C10orf90: variants seen among roughly 807,000 people sequenced by gnomAD.
C10orf90 encodes (E2-independent) E3 ubiquitin-conjugating enzyme FATS.
In C10orf90, 56 loss-of-function variants were observed where a neutral mutation model predicts 62.5. That is an observed-to-expected ratio of 0.90 (90% CI 0.72 to 1.12). The LOEUF (loss-of-function observed/expected upper bound fraction) is 1.12, where lower values mean the gene tolerates loss of function less well. C10orf90 is among the 50% of genes most tolerant of loss of function. C10orf90 has a pLI of 0.00. For missense variants in C10orf90, 970 were observed against 880.4 expected (o/e 1.10, Z -1.29); for synonymous variants, 386 against 340.4 (o/e 1.13, Z -1.47).
intron 3 of C10orf90, among the ~76,000 whole-genome samples, chr10:126,507,596 TCA>T (rs552055134): frequency 2.0e-5 from 3 of 151,298 alleles, no homozygotes; most frequent in Non-Finnish European, 4.4e-5. Context: ...CACTTCCCAA[TCA>T]CATCATGCGT....
chr10:126,630,844 G>A lies in C10orf90; in HGVS notation c.313+15721C>T, dbSNP rs1845837337. On this transcript the variant is annotated intron_variant, in intron 2 of 9. Coordinates refer to ENST00000488181, the MANE Select transcript of C10orf90 (RefSeq NM_001350921.2). The stretch of plus-strand genomic sequence containing the variant: ...CTTACCATCCACATCCAATGCTCCA[G>A]CCAAGCCTGGGGCTCTATTTGCAAC... Among the ~76,000 whole-genome samples the A allele has an allele frequency of 3.9e-5, 6 of 152,300 alleles. No homozygotes were observed. The South Asian group carries it at 1.2e-3, about 32-fold the overall frequency.
chr10:126,582,881 G>A (rs1015292669), intron 2 of C10orf90, among the ~76,000 whole-genome samples: 7 of 152,098 alleles, frequency 4.6e-5, no homozygotes, highest in Admixed American at 6.6e-5. Context: ...AGGAAGAAGC[G>A]GGTGGTGCCA....
chr10:126,639,367 G>T (rs558879015), intron 2 of C10orf90, among the ~76,000 whole-genome samples: 1 of 152,316 alleles, frequency 6.6e-6, no homozygotes, highest in South Asian at 2.1e-4. Flanking sequence ...CCCAGGAGGT[G>T]CTCCTTCTAA....
At position 126,646,132 on chromosome 10, in the gene C10orf90, C is replaced by T. The variant is rs149088451; in HGVS notation, c.313+433G>A. On this transcript the variant is annotated intron_variant, in intron 2 of 9. Transcript: ENST00000488181. ...TATGAACTGTAACCATCTCACCTAGCGTTTTTACAGTTTAGTGGCTAAGAA... is the reference window on the plus strand; with the variant it reads ...TATGAACTGTAACCATCTCACCTAGTGTTTTTACAGTTTAGTGGCTAAGAA... 3.7e-3 allele frequency among the ~76,000 whole-genome samples: 556 copies of T among 152,206 alleles called. 9 individuals are homozygous for T. The highest frequency in any genetic ancestry group is 0.034 in the Middle Eastern group (10 of 294).
rs200639705 is a variant in C10orf90 at position 126,579,279 on chromosome 10, T to C, written c.314-65340A>G. Among the ~76,000 whole-genome samples, 37 of 74,596 alleles carry C rather than the reference T, an allele frequency of 5.0e-4. No individual in the cohort carries two copies. The South Asian group carries it at 5.7e-3, about 11-fold the overall frequency. The allele number at this position is 74,596 out of a possible 152,430, so 48.9% of individuals were successfully genotyped here. A position where few individuals can be genotyped will look rare whatever the true frequency, so the allele number is the denominator to read the frequency against. On this transcript the variant is annotated intron_variant, in intron 2 of 9. Transcript: ENST00000488181. ...TATTTCTTTCTTTCTTTCTTTCTTT[T>C]TTTTTTTTTTTGAGACAGAGTCTCA...
At chr10:126,613,444 C>T (rs1172168496) in intron 2 of C10orf90, among the ~76,000 whole-genome samples, 1 of 152,120 alleles carries the variant, frequency 6.6e-6, no homozygotes, top group Non-Finnish European at 1.5e-5. Flanking sequence ...CAAGGTCTGA[C>T]TATATTGCCC....
At chr10:126,561,897 C>T (rs771583483) in intron 2 of C10orf90, among the ~76,000 whole-genome samples, 2 of 152,192 alleles carry the variant, frequency 1.3e-5, no homozygotes, top group Non-Finnish European at 2.9e-5. Context: ...TAGAAAGAAC[C>T]CCCCACTGAG....
intron 2 of C10orf90, among the ~76,000 whole-genome samples, chr10:126,529,901 T>C (rs767643408): frequency 2.0e-5 from 3 of 152,192 alleles, no homozygotes; most frequent in Non-Finnish European, 4.4e-5. Context: ...CATTTACAAA[T>C]GTATCATCAA....
intron 2 of C10orf90, among the ~76,000 whole-genome samples, chr10:126,587,464 T>A (rs577490221): frequency 2.0e-5 from 3 of 152,196 alleles, no homozygotes; most frequent in Non-Finnish European, 4.4e-5. Context: ...TGGATCCTCA[T>A]ATGGCAGAGG....
At chr10:126,489,360 A>G (rs1861598748) in intron 4 of C10orf90, among the ~76,000 whole-genome samples, 1 of 152,172 alleles carries the variant, frequency 6.6e-6, no homozygotes, top group Non-Finnish European at 1.5e-5. Flanking sequence ...AATAGAAACA[A>G]CAACGATTAA....
intron 2 of C10orf90, among the ~76,000 whole-genome samples, chr10:126,600,238 CAGCAGGAAG>C (rs1845173014): frequency 6.6e-6 from 1 of 152,224 alleles, no homozygotes; most frequent in Non-Finnish European, 1.5e-5. Context: ...TCCAGACGGC[CAGCAGGAAG>C]TCAGCTCACC....
In C10orf90 at chr10:126,521,485, G is replaced by C. The variant is rs967215582; in HGVS notation, c.314-7546C>G. 9.7e-6 allele frequency: 14 copies of C among 1,448,532 alleles called. No homozygotes were observed. In the Admixed American group the frequency reaches 3.8e-4, roughly 39 times the overall value. 89.7% of individuals were successfully genotyped at this position (1,448,532 alleles called of 1,614,324 possible). ...CCAGCCTCGGCCAAAGAACCTCAAA[G>C]CTCTATATGTAATGAAGTCACCGGA... On this transcript the variant is annotated intron_variant, in intron 2 of 9. Coordinates refer to ENST00000488181, the MANE Select transcript of C10orf90 (RefSeq NM_001350921.2).
chr10:126,556,942 A>C (rs1864785943), intron 2 of C10orf90, among the ~76,000 whole-genome samples: 1 of 150,764 alleles, frequency 6.6e-6, no homozygotes, highest in African/African-American at 2.4e-5. Flanking sequence ...TCTGGATAAG[A>C]GGGGAGAAGA....
At position 126,504,745 on chromosome 10, in the gene C10orf90, C is replaced by G. The variant is rs746423822; in HGVS notation, c.746G>C (p.Arg249Pro). 6.3e-7 allele frequency: 1 copy of G among 1,594,710 alleles called. No homozygotes were observed. Among genetic ancestry groups the G allele is most frequent in the Non-Finnish European group, 8.5e-7 (1 of 1,169,680 alleles). The change falls in exon 4 of 10, where the codon CGC becomes CCC. Residue 249 changes from arginine (R) to proline (P), a missense_variant. Physicochemically the swap from Arg to Pro is moderately radical, Grantham distance 103. Coordinates refer to ENST00000488181, the MANE Select transcript of C10orf90 (RefSeq NM_001350921.2). The surrounding 1 kb of genome is among the most constrained non-coding windows in gnomAD (Gnocchi z 4.1). ...ITARRVGPPA[R>P]ALVWGTAGDS... ...CCCAGCAGTCCCCCACACCAGGGCG[C>G]GGGCTGGGGGGCCCACGCGTCTGGC...
At chr10:126,573,043 C>T (rs572807800) in intron 2 of C10orf90, among the ~76,000 whole-genome samples, 4 of 152,232 alleles carry the variant, frequency 2.6e-5, no homozygotes, top group Admixed American at 2.6e-4. Flanking sequence ...GACAACAACC[C>T]CTCAGACACC....
intron 2 of C10orf90, among the ~76,000 whole-genome samples, chr10:126,596,631 G>A (rs1845092337): frequency 6.6e-6 from 1 of 152,200 alleles, no homozygotes; most frequent in Admixed American, 6.5e-5. Context: ...TTAGCCTACA[G>A]TTGTGCAGAG....
intron 7 of C10orf90, among the ~76,000 whole-genome samples, chr10:126,457,917 G>T (rs1167993767): frequency 6.6e-6 from 1 of 152,148 alleles, no homozygotes; most frequent in East Asian, 1.9e-4. Flanking sequence ...TTTTCCCATG[G>T]GGAGCTCTTT....
chr10:126,497,407 C>T (rs2077279300), intron 4 of C10orf90, among the ~76,000 whole-genome samples: 1 of 152,134 alleles, frequency 6.6e-6, no homozygotes, highest in South Asian at 2.1e-4. Flanking sequence ...GAAGAGCAAA[C>T]AACGCAAGGA....
At chr10:126,576,758 A>ATACATAT (rs367880921) in intron 2 of C10orf90, among the ~76,000 whole-genome samples, 2 of 75,904 alleles carry the variant, frequency 2.6e-5, no homozygotes, top group Admixed American at 1.3e-4. Context: ...ACATATAGAT[A>ATACATAT]ATATGTATAT....
Sources: allele counts gnomAD v4.1 joint callset (sites outside exome capture counted in the v4.1 genomes callset), GRCh38; gene constraint gnomAD v4.1.1; non-coding constraint Gnocchi (gnomAD v3.1); transcripts MANE v1.5; gene names NCBI Gene and HGNC (gene_info 2026-07-23, HGNC 2026-07-21).